STAG1: variants seen among roughly 807,000 people sequenced by gnomAD.
STAG1 encodes the protein STAG1 cohesin complex component, also known as cohesin subunit SA-1.
Under a neutral mutation model 170.9 loss-of-function variants are expected in STAG1, and 26 were observed. The observed-to-expected ratio is 0.15, with a 90% confidence interval of 0.11 to 0.21. The LOEUF is 0.21. STAG1 is among the 10% of genes least tolerant of loss of function. The pLI, the probability that STAG1 is intolerant of heterozygous loss-of-function variation, is 1.00. For synonymous variants in STAG1, 514 were observed against 497.7 expected, an observed-to-expected ratio of 1.03 and a Z score of -0.44; for missense variants, 964 against 1,509.5, an observed-to-expected ratio of 0.64 and a Z score of 5.99.
intron 4 of STAG1, among the ~76,000 whole-genome samples, chr3:136,594,683 GAAGGT>G (rs922320214): frequency 3.3e-5 from 5 of 152,194 alleles, no homozygotes; most frequent in African/African-American, 1.2e-4. Context: ...GAAAGTCCAT[GAAGGT>G]AAGGGTCAGG....
intron 25 of STAG1, among the ~76,000 whole-genome samples, chr3:136,364,580 C>T (rs1281144392): frequency 6.6e-6 from 1 of 152,160 alleles, no homozygotes; most frequent in Non-Finnish European, 1.5e-5. Flanking sequence ...TGCACTATCT[C>T]ATCCCTGTAA....
intron 7 of STAG1, among the ~76,000 whole-genome samples, chr3:136,511,450 G>A (rs915783887): frequency 5.9e-5 from 9 of 152,224 alleles, no homozygotes; most frequent in African/African-American, 2.2e-4. Flanking sequence ...TATACACCAT[G>A]GAAGGCTTTG....
intron 29 of STAG1, chr3:136,348,914 A>G: frequency 2.0e-6 from 1 of 507,056 alleles, no homozygotes. Flanking sequence ...TTATAGACCT[A>G]GCTAATTTTT....
intron 7 of STAG1, among the ~76,000 whole-genome samples, chr3:136,517,581 A>C (rs893028765): frequency 6.6e-6 from 1 of 152,160 alleles, no homozygotes; most frequent in Non-Finnish European, 1.5e-5. Flanking sequence ...ACCAAACAAG[A>C]AAGTGGTAAA....
rs374645920 is a variant in STAG1, at chr3:136,498,210, T to TTATATATATATATATATA, written c.902+1995_902+2012dup. Among the ~76,000 whole-genome samples the TTATATATATATATATATA allele has an allele frequency of 9.2e-4, 47 of 50,822 alleles. 2 individuals carry two copies. Among genetic ancestry groups the TTATATATATATATATATA allele is most frequent in the Non-Finnish European group, 1.2e-3 (40 of 33,208 alleles). The allele number at this position is 50,822 out of a possible 152,430, so 33.3% of individuals were successfully genotyped here. A position where few individuals can be genotyped will look rare whatever the true frequency, so the allele number is the denominator to read the frequency against. On this transcript the variant is annotated intron_variant, in intron 9 of 33. Coordinates refer to ENST00000383202, the MANE Select transcript of STAG1 (RefSeq NM_005862.3). ...TCCATCTTAAAAAAAAAAAAAAAAA[T>TTATATATATATATATATA]TATATATATATATATATATATATAC...
chr3:136,628,529 T>C (rs1940202324), intron 2 of STAG1, among the ~76,000 whole-genome samples: 1 of 152,148 alleles, frequency 6.6e-6, no homozygotes. Flanking sequence ...TTGCATGACA[T>C]AATCTCAGTC....
At chr3:136,379,097 A>G (rs1009004664) in intron 22 of STAG1, among the ~76,000 whole-genome samples, 2 of 152,220 alleles carry the variant, frequency 1.3e-5, no homozygotes, top group African/African-American at 2.4e-5. Flanking sequence ...GGAGAGAAGT[A>G]AAAAGGACAC....
intron 1 of STAG1, among the ~76,000 whole-genome samples, chr3:136,642,359 C>T (rs1297034192): frequency 2.7e-5 from 4 of 148,818 alleles, no homozygotes; most frequent in Non-Finnish European, 5.9e-5. Context: ...GCAACCTCCG[C>T]CTCCTGGGTT....
At chr3:136,540,966 T>TA (rs1935875098) in intron 6 of STAG1, among the ~76,000 whole-genome samples, 1 of 152,034 alleles carries the variant, frequency 6.6e-6, no homozygotes, top group Non-Finnish European at 1.5e-5. Context: ...TTTCTGTTTT[T>TA]ATCTCATTCC....
intron 14 of STAG1, among the ~76,000 whole-genome samples, chr3:136,445,649 G>C (rs886193273): frequency 1.3e-5 from 2 of 152,090 alleles, no homozygotes; most frequent in African/African-American, 4.8e-5. Context: ...ATGCTTTTGT[G>C]CTTGATTATG....
At chr3:136,439,272 G>C (rs2088557753) in intron 15 of STAG1, among the ~76,000 whole-genome samples, 1 of 149,014 alleles carries the variant, frequency 6.7e-6, no homozygotes, top group Non-Finnish European at 1.5e-5. Context: ...ATATCCAGAA[G>C]TTACTTGATT....
chr3:136,633,962 T>TAAAAAAAAAAAAAAAAAAAAAAAA (rs67810422), intron 1 of STAG1, among the ~76,000 whole-genome samples: 3 of 50,356 alleles, frequency 6.0e-5, no homozygotes, highest in African/African-American at 1.0e-4. Context: ...TGTCTCTACT[T>TAAAAAAAAAAAAAAAAAAAAAAAA]AAAAAAAAAA....
intron 22 of STAG1, among the ~76,000 whole-genome samples, chr3:136,381,827 A>C (rs1385372486): frequency 2.0e-5 from 3 of 152,250 alleles, no homozygotes; most frequent in Non-Finnish European, 4.4e-5. Flanking sequence ...TTTAAAATCT[A>C]TAAACAAGAG....
At chr3:136,354,817 T>TAAAAAAAAAAAAAAAAAA (rs1936582554) in intron 28 of STAG1, among the ~76,000 whole-genome samples, 1 of 50,898 alleles carries the variant, frequency 2.0e-5, no homozygotes, top group Non-Finnish European at 4.2e-5. Context: ...AAACAAAAAG[T>TAAAAAAAAAAAAAAAAAA]ATAATAATAG....
chr3:136,377,386 C>CAAAAAAAAAAAAAAAAAAACA (rs57934830), intron 23 of STAG1, among the ~76,000 whole-genome samples: 1 of 42,582 alleles, frequency 2.3e-5, no homozygotes, highest in African/African-American at 1.2e-4. Flanking sequence ...GACTCTGTCT[C>CAAAAAAAAAAAAAAAAAAACA]AAAAAAAAAA....
chr3:136,734,108 C>CAAAAA (rs11456348), intron 1 of STAG1, among the ~76,000 whole-genome samples: 14 of 101,770 alleles, frequency 1.4e-4, no homozygotes, highest in Non-Finnish European at 1.7e-4. Flanking sequence ...GACTCCATCT[C>CAAAAA]AAAAAAAAAA....
intron 26 of STAG1, among the ~76,000 whole-genome samples, chr3:136,361,397 T>C (rs1345141754): frequency 1.3e-5 from 2 of 152,226 alleles, no homozygotes; most frequent in Admixed American, 1.3e-4. Flanking sequence ...CATATATTTA[T>C]TGGTACACAC....
At chr3:136,539,204 G>A (rs1402815747) in intron 6 of STAG1, among the ~76,000 whole-genome samples, 1 of 151,938 alleles carries the variant, frequency 6.6e-6, no homozygotes, top group African/African-American at 2.4e-5. Flanking sequence ...ACTTGGGACT[G>A]GAGATAATTT....
intron 14 of STAG1, among the ~76,000 whole-genome samples, chr3:136,446,597 A>C (rs1395149890): frequency 6.6e-6 from 1 of 151,560 alleles, no homozygotes; most frequent in Non-Finnish European, 1.5e-5. Flanking sequence ...TAATTTTTAC[A>C]TTTTTAGTAG....
Sources: allele counts gnomAD v4.1 joint callset (sites outside exome capture counted in the v4.1 genomes callset), GRCh38; gene constraint gnomAD v4.1.1; transcripts MANE v1.5; gene names NCBI Gene and HGNC (gene_info 2026-07-23, HGNC 2026-07-21).